Variants in EML1 observed in about 807,000 individuals in gnomAD.
EML1 encodes the protein echinoderm microtubule-associated protein-like 1.
In EML1, 27 loss-of-function variants were observed where a neutral mutation model predicts 110.4. The observed-to-expected ratio is 0.24, with a 90% CI of 0.18 to 0.34. The LOEUF (loss-of-function observed/expected upper bound fraction) is 0.34. Among genes scored for constraint, EML1 ranks in the 10% least tolerant of loss-of-function variants. EML1 has a pLI of 1.00. For missense variants in EML1, 741 were observed against 1,030.9 expected, an observed-to-expected ratio of 0.72 and a Z score of 3.85; for synonymous variants, 344 against 385.8, an observed-to-expected ratio of 0.89 and a Z score of 1.27.
intron 9 of EML1, among the ~76,000 whole-genome samples, chr14:99,904,486 A>G (rs567144248): frequency 6.6e-6 from 1 of 152,372 alleles, no homozygotes; most frequent in Admixed American, 6.5e-5. Context: ...AAATTACTTA[A>G]TTCATGTGAA....
At chr14:99,913,997 G>GTGTC (rs2059989746) in intron 13 of EML1, among the ~76,000 whole-genome samples, 182 bp from the exon 14 acceptor site, 1 of 151,336 alleles carries the variant, frequency 6.6e-6, no homozygotes, top group African/African-American at 2.4e-5. Context: ...GCCAGCTGTG[G>GTGTC]TATCTATGTG....
chr14:99,935,781 C>CAA (rs1160100015), intron 17 of EML1, among the ~76,000 whole-genome samples: 1,608 of 81,352 alleles, frequency 0.02, 54 homozygotes, highest in African/African-American at 0.047. Flanking sequence ...GACTCCGTCT[C>CAA]AAAAAAAAAA....
intron 4 of EML1, among the ~76,000 whole-genome samples, chr14:99,882,649 TAAAA>T (rs199622855): frequency 0.072 from 9,136 of 126,684 alleles, 587 homozygotes; most frequent in African/African-American, 0.22. Flanking sequence ...GCTGATGAGC[TAAAA>T]AAAAAAAAAA....
intron 1 of EML1, among the ~76,000 whole-genome samples, chr14:99,805,641 A>T (rs1819105525): frequency 6.6e-6 from 1 of 151,796 alleles, no homozygotes; most frequent in South Asian, 2.1e-4. Flanking sequence ...TGCCCAGCTA[A>T]TTTTTTTATT....
intron 1 of EML1, among the ~76,000 whole-genome samples, chr14:99,813,462 C>T (rs945335766): frequency 2.0e-5 from 3 of 152,164 alleles, no homozygotes; most frequent in African/African-American, 4.8e-5. Flanking sequence ...CGCCTGTAAT[C>T]CCAGCACTGT....
At chr14:99,750,291 G>T (rs907557606) in intron 1 of EML1, among the ~76,000 whole-genome samples, 1 of 152,198 alleles carries the variant, frequency 6.6e-6, no homozygotes, top group Non-Finnish European at 1.5e-5. Flanking sequence ...TCTGCAGTCT[G>T]GGAAAAGCAG....
In EML1 at chr14:99,850,873, A is replaced by G; in HGVS notation, c.88A>G (p.Ser30Gly). 1 of 1,613,826 alleles carries G rather than the reference A, an allele frequency of 6.2e-7. No homozygotes were observed. The highest frequency in any genetic ancestry group is 8.5e-7 in the Non-Finnish European group (1 of 1,179,804). The change falls in exon 2 of 22, where the codon AGT becomes GGT. Residue 30 changes from serine to glycine, a missense_variant. Around this residue, in one of 4 missense-constraint regions of EML1, gnomAD observed 226 missense variants for 255.6 expected, o/e 0.88. Transcript: ENST00000262233. ...TTTAGATGACAGCGCTTCTGCTGCA[A>G]GTAGCATGGAGGTGACAGACCGCAT... ...FCNDDSASAA[S>G]SMEVTDRIAS... is the part of the protein sequence containing the mutation.
chr14:99,749,875 T>C (rs2057155783), intron 1 of EML1, among the ~76,000 whole-genome samples: 1 of 152,222 alleles, frequency 6.6e-6, no homozygotes, highest in South Asian at 2.1e-4. Flanking sequence ...TTCTAATTTT[T>C]CTCATGGGGA....
intron 17 of EML1, 53 bp downstream of exon 17, chr14:99,920,930 A>G (rs1322405968): frequency 1.3e-6 from 2 of 1,536,242 alleles, no homozygotes; most frequent in Non-Finnish European, 1.8e-6. Context: ...TTTTATTTTA[A>G]GTTCTGGAGT....
chr14:99,751,235 C>T (rs913554836), intron 1 of EML1, among the ~76,000 whole-genome samples: 1 of 151,862 alleles, frequency 6.6e-6, no homozygotes, highest in African/African-American at 2.4e-5. Context: ...GCCCCGTGTG[C>T]CATGTACTGT....
intron 1 of EML1, among the ~76,000 whole-genome samples, chr14:99,797,172 G>T (rs566000796): frequency 1.3e-5 from 2 of 151,940 alleles, no homozygotes; most frequent in Non-Finnish European, 2.9e-5. Flanking sequence ...ATAGATTCTG[G>T]GCATTTTATT....
intron 1 of EML1, among the ~76,000 whole-genome samples, chr14:99,803,905 C>T (rs1374512867): frequency 6.6e-6 from 1 of 152,210 alleles, no homozygotes; most frequent in Non-Finnish European, 1.5e-5. Flanking sequence ...CTTGAAAATC[C>T]TTAGGAATAG....
intron 5 of EML1, among the ~76,000 whole-genome samples, chr14:99,892,800 C>T (rs2059609529): frequency 6.6e-6 from 1 of 152,224 alleles, no homozygotes; most frequent in African/African-American, 2.4e-5. Flanking sequence ...CCACACTCTG[C>T]ATTTTTTATG....
At chr14:99,796,672 G>A (rs1365632043) in intron 1 of EML1, among the ~76,000 whole-genome samples, 2 of 143,296 alleles carry the variant, frequency 1.4e-5, no homozygotes, top group East Asian at 4.7e-4. Flanking sequence ...TTCTTTTAAT[G>A]CTGGGAAAAA....
chr14:99,920,586 C>T (rs904177797), intron 16 of EML1, among the ~76,000 whole-genome samples: 1 of 152,114 alleles, frequency 6.6e-6, no homozygotes, highest in Admixed American at 6.5e-5. Flanking sequence ...TGAATGCTAG[C>T]CAATATGCTG....
At chr14:99,884,727 C>T (rs929885929) in intron 4 of EML1, among the ~76,000 whole-genome samples, 7 of 152,158 alleles carry the variant, frequency 4.6e-5, no homozygotes, top group Admixed American at 3.3e-4. Flanking sequence ...AGCACAGATG[C>T]AGAAAACCAC....
chr14:99,777,104 A>C (rs926801540), intron 1 of EML1, among the ~76,000 whole-genome samples: 4 of 152,242 alleles, frequency 2.6e-5, no homozygotes, highest in Non-Finnish European at 5.9e-5. Context: ...CCACAGAAGA[A>C]GACTCACAGC....
At chr14:99,877,483 G>T (rs2059312021) in intron 3 of EML1, among the ~76,000 whole-genome samples, 1 of 152,110 alleles carries the variant, frequency 6.6e-6, no homozygotes, top group South Asian at 2.1e-4. Flanking sequence ...CTTTCCATCT[G>T]TGTCATAACA....
At chr14:99,746,296 G>A (rs2140166020) in intron 1 of EML1, among the ~76,000 whole-genome samples, 1 of 152,282 alleles carries the variant, frequency 6.6e-6, no homozygotes, top group South Asian at 2.1e-4. Flanking sequence ...CCAAAGAAGG[G>A]AGCTGGGTGT....
Sources: gnomAD v4.1 joint callset for allele counts (sites outside exome capture counted in the v4.1 genomes callset) on GRCh38, gnomAD v4.1.1 for gene constraint, gnomAD v4.1.1 regional missense constraint, MANE v1.5 for transcripts, NCBI Gene and HGNC (gene_info 2026-07-23, HGNC 2026-07-21) for gene names.